Variants in APBB2 observed in about 807,000 individuals in gnomAD.
APBB2 encodes amyloid beta precursor protein binding family B member 2.
APBB2 carries 38 observed loss-of-function variants against 82.5 expected under a neutral mutation model. The ratio of observed to expected loss-of-function variants is 0.46; its 90% CI spans 0.36 to 0.60. The LOEUF is 0.60. APBB2 is among the 20% of genes least tolerant of loss of function. APBB2 has a pLI of 0.00. For synonymous variants in APBB2, 341 were observed against 368.2 expected (o/e 0.93, Z 0.85); for missense variants, 772 against 972.3 (o/e 0.79, Z 2.74).
chr4:41,078,321 G>A (rs80244930), intron 3 of APBB2, among the ~76,000 whole-genome samples: 10,670 of 152,162 alleles, frequency 0.07, 532 homozygotes, highest in Non-Finnish European at 0.1. Flanking sequence ...AGTGGAAAAC[G>A]GCAATGCAAA....
intron 1 of APBB2, among the ~76,000 whole-genome samples, chr4:41,185,847 T>C (rs1772751322): frequency 1.3e-5 from 2 of 152,234 alleles, no homozygotes; most frequent in Non-Finnish European, 2.9e-5. Context: ...GTTGTGTGTG[T>C]TTGGTTTAGA....
intron 4 of APBB2, among the ~76,000 whole-genome samples, chr4:41,034,436 T>C (rs889536312): frequency 6.6e-6 from 1 of 152,230 alleles, no homozygotes; most frequent in East Asian, 1.9e-4. Context: ...GCTATTCTCC[T>C]GCCTCAGCCT....
At chr4:41,041,242 TC>T (rs1209541503) in intron 4 of APBB2, among the ~76,000 whole-genome samples, 1 of 152,136 alleles carries the variant, frequency 6.6e-6, no homozygotes, top group Non-Finnish European at 1.5e-5. Flanking sequence ...AAAGCAAAAT[TC>T]AATAACAGTC....
At chr4:41,086,373 A>G (rs1739666384) in intron 3 of APBB2, among the ~76,000 whole-genome samples, 1 of 152,212 alleles carries the variant, frequency 6.6e-6, no homozygotes, top group African/African-American at 2.4e-5. Context: ...TAAGAAAACT[A>G]CAAGCCATTA....
intron 12 of APBB2, among the ~76,000 whole-genome samples, chr4:40,877,063 C>T (rs1293198562): frequency 2.0e-5 from 3 of 152,232 alleles, no homozygotes; most frequent in Non-Finnish European, 4.4e-5. Flanking sequence ...CTGTGTACTA[C>T]ATGGCAGAGC....
chr4:40,850,371 C>T (rs966621878), intron 12 of APBB2, among the ~76,000 whole-genome samples: 4 of 152,206 alleles, frequency 2.6e-5, no homozygotes, highest in Non-Finnish European at 4.4e-5. Flanking sequence ...AAGAAAGAGG[C>T]TCAAGTGTAG....
intron 12 of APBB2, among the ~76,000 whole-genome samples, chr4:40,854,786 T>G (rs1760594299): frequency 3.7e-5 from 2 of 54,088 alleles, no homozygotes; most frequent in African/African-American, 1.3e-4. Context: ...CGAAAGTCCA[T>G]CTCCAAAAAA....
At chr4:41,091,832 A>C (rs991929433) in intron 3 of APBB2, among the ~76,000 whole-genome samples, 19 of 152,180 alleles carry the variant, frequency 1.2e-4, no homozygotes, top group Non-Finnish European at 2.4e-4. Context: ...TGAGGTCAGC[A>C]AAAAAATCCA....
intron 5 of APBB2, among the ~76,000 whole-genome samples, chr4:41,025,746 G>A (rs142412721): frequency 0.011 from 1,666 of 151,348 alleles, 25 homozygotes; most frequent in African/African-American, 0.039. Flanking sequence ...TGGTGAAACC[G>A]TGTCTCCACT....
intron 7 of APBB2, chr4:40,935,379 A>G (rs1436060542): frequency 2.1e-6 from 1 of 485,746 alleles, no homozygotes; most frequent in African/African-American, 2.0e-5. Context: ...ATGACTAAAC[A>G]TTATTAGAAG....
intron 2 of APBB2, among the ~76,000 whole-genome samples, chr4:41,104,070 T>G (rs546009112): frequency 6.6e-6 from 1 of 152,212 alleles, no homozygotes; most frequent in Non-Finnish European, 1.5e-5. Context: ...AGAAATTTCA[T>G]TCTGAATAAA....
intron 6 of APBB2, among the ~76,000 whole-genome samples, chr4:40,983,272 C>T (rs956379402): frequency 6.6e-6 from 1 of 152,208 alleles, no homozygotes; most frequent in Non-Finnish European, 1.5e-5. Context: ...TTAACCATCA[C>T]ACTATTCATT....
chr4:40,990,330 CTCTT>C (rs1346062487), intron 6 of APBB2: 5 of 152,134 alleles, frequency 3.3e-5, no homozygotes, highest in African/African-American at 7.2e-5. Flanking sequence ...GTCTCTCTCT[CTCTT>C]TCTCTCTCCA....
chr4:40,901,671 A>G (rs548913759), intron 10 of APBB2, among the ~76,000 whole-genome samples: 3 of 152,084 alleles, frequency 2.0e-5, no homozygotes, highest in African/African-American at 7.2e-5. Flanking sequence ...CACCATGCCC[A>G]GCTAATTTTT....
Position 40,811,958 on chromosome 4 carries a change from G to C in APBB2, c.*4134C>G, listed in dbSNP as rs955409521. ...TCTATTCTTTATTCTTTGATGTCAG[G>C]TTCTTAAAGGAAGTGATAAACTTCT... On this transcript the variant is annotated 3_prime_UTR_variant, in exon 18 of 18. Transcript: ENST00000508593. 6.6e-6 allele frequency: 1 copy of C among 152,082 alleles called. No homozygotes were observed. Among genetic ancestry groups the C allele is most frequent in the Admixed American group, 6.5e-5 (1 of 15,270 alleles). The allele number at this position is 152,082 out of a possible 1,614,324, so 9.4% of individuals were successfully genotyped here. A position where few individuals can be genotyped will look rare whatever the true frequency, so the allele number is the denominator to read the frequency against.
intron 10 of APBB2, among the ~76,000 whole-genome samples, chr4:40,898,855 T>TCACACA (rs777366496): frequency 8.5e-6 from 1 of 118,168 alleles, no homozygotes; most frequent in African/African-American, 2.7e-5. Flanking sequence ...ACACACACAC[T>TCACACA]CACACACACA....
At chr4:41,016,071 T>C (rs1260142301) in intron 5 of APBB2, among the ~76,000 whole-genome samples, 1 of 151,326 alleles carries the variant, frequency 6.6e-6, no homozygotes, top group Non-Finnish European at 1.5e-5. Flanking sequence ...AAGTTTTCCC[T>C]GAGACACATA....
chr4:41,103,982 T>C (rs1467490837), intron 2 of APBB2, among the ~76,000 whole-genome samples: 2 of 152,238 alleles, frequency 1.3e-5, no homozygotes, highest in African/African-American at 2.4e-5. Flanking sequence ...TACAGGCTAA[T>C]ACAGTCATGG....
At chr4:40,982,305 G>GAAAGAAAGAAA (rs1348332497) in intron 6 of APBB2, among the ~76,000 whole-genome samples, 4 of 14,850 alleles carry the variant, frequency 2.7e-4, no homozygotes, top group Non-Finnish European at 4.8e-4. Context: ...AAGGAAGGAA[G>GAAAGAAAGAAA]GAAAGAAAGA....
Sources: gnomAD v4.1 joint callset for allele counts (sites outside exome capture counted in the v4.1 genomes callset) on GRCh38, gnomAD v4.1.1 for gene constraint, MANE v1.5 for transcripts, NCBI Gene and HGNC (gene_info 2026-07-23, HGNC 2026-07-21) for gene names.